TNNI3K: variants seen among roughly 807,000 people sequenced by gnomAD.
TNNI3K encodes serine/threonine-protein kinase TNNI3K.
Under a neutral mutation model 114.5 loss-of-function variants are expected in TNNI3K, and 140 were observed. The ratio of observed to expected loss-of-function variants is 1.22; its 90% CI spans 1.07 to 1.41. TNNI3K has a LOEUF of 1.41. Among genes scored for constraint, TNNI3K ranks in the 40% most tolerant of loss-of-function variants. TNNI3K has a pLI of 0.00. For missense variants in TNNI3K, 1,125 were observed against 1,007.6 expected (o/e 1.12, Z -1.58); for synonymous variants, 347 against 347.5 (o/e 1.00, Z 0.02).
At chr1:74,319,140 C>A (rs1174274711) in intron 5 of TNNI3K, among the ~76,000 whole-genome samples, 1 of 152,134 alleles carries the variant, frequency 6.6e-6, no homozygotes, top group Non-Finnish European at 1.5e-5. Context: ...GAGGCTGTAG[C>A]CATGTCAGTG....
intron 5 of TNNI3K, among the ~76,000 whole-genome samples, chr1:74,291,726 C>T (rs1657688387): frequency 6.6e-6 from 1 of 151,240 alleles, no homozygotes; most frequent in East Asian, 1.9e-4. Context: ...TTAAGAATCC[C>T]CCAAGACTCA....
chr1:74,271,034 C>T (rs903597476), intron 4 of TNNI3K, among the ~76,000 whole-genome samples: 1 of 151,220 alleles, frequency 6.6e-6, no homozygotes, highest in African/African-American at 2.4e-5. Flanking sequence ...TAAAACGAGT[C>T]AAGTTAAGAA....
At chr1:74,461,206 C>A (rs1195254341) in intron 20 of TNNI3K, among the ~76,000 whole-genome samples, 2 of 152,180 alleles carry the variant, frequency 1.3e-5, no homozygotes, top group Non-Finnish European at 2.9e-5. Context: ...AGTGGCCCAG[C>A]ATGGTGCCTC....
chr1:74,458,474 T>A (rs1667318470), intron 20 of TNNI3K, among the ~76,000 whole-genome samples: 1 of 152,196 alleles, frequency 6.6e-6, no homozygotes, highest in South Asian at 2.1e-4. Context: ...TCCTCCCATA[T>A]TTTTGAATGA....
chr1:74,478,552 G>A (rs1668321205), intron 21 of TNNI3K, among the ~76,000 whole-genome samples: 1 of 152,054 alleles, frequency 6.6e-6, no homozygotes, highest in Non-Finnish European at 1.5e-5. Flanking sequence ...CAAATTCAAT[G>A]AAATCCTCTA....
At chr1:74,480,909 T>C in intron 21 of TNNI3K, 1 of 717,324 alleles carries the variant, frequency 1.4e-6, no homozygotes. Context: ...AGGTTTGTGC[T>C]CTCAATAGAG....
At chr1:74,277,778 G>A (rs1026237406) in intron 5 of TNNI3K, among the ~76,000 whole-genome samples, 1 of 152,182 alleles carries the variant, frequency 6.6e-6, no homozygotes, top group African/African-American at 2.4e-5. Flanking sequence ...AGGTTGTGGA[G>A]TGGTTTTCTT....
intron 23 of TNNI3K, among the ~76,000 whole-genome samples, chr1:74,535,674 T>C (rs1646652299): frequency 6.6e-6 from 1 of 152,154 alleles, no homozygotes; most frequent in South Asian, 2.1e-4. Flanking sequence ...TTTTGGACAG[T>C]TCTAATCTTA....
At chr1:74,475,335 G>C (rs1161038812) in intron 21 of TNNI3K, 2 of 708,278 alleles carry the variant, frequency 2.8e-6, no homozygotes, top group East Asian at 5.4e-5. Context: ...TTTGAGGCTG[G>C]ACTTCTCCAG....
chr1:74,322,562 G>C (rs1182113054), intron 5 of TNNI3K, among the ~76,000 whole-genome samples: 1 of 150,736 alleles, frequency 6.6e-6, no homozygotes, highest in Admixed American at 6.6e-5. Context: ...CCAGGTTCAA[G>C]CAATTCTTCT....
chr1:74,374,239 A>G (rs1289458814), intron 17 of TNNI3K: 7 of 151,936 alleles, frequency 4.6e-5, no homozygotes, highest in Admixed American at 3.9e-4. Context: ...TACTAAGGAA[A>G]AGTTCAAGGA....
chr1:74,496,112 G>A (rs887990952), intron 23 of TNNI3K, among the ~76,000 whole-genome samples: 3 of 152,150 alleles, frequency 2.0e-5, no homozygotes, highest in African/African-American at 7.2e-5. Flanking sequence ...TGGCACCCAG[G>A]CATCAGAATG....
chr1:74,482,696 T>A (rs1668564864), intron 21 of TNNI3K, among the ~76,000 whole-genome samples: 1 of 152,206 alleles, frequency 6.6e-6, no homozygotes. Context: ...CACATTCTCC[T>A]CAAATTTGTT....
intron 23 of TNNI3K, among the ~76,000 whole-genome samples, chr1:74,528,429 C>T (rs903245502): frequency 6.6e-6 from 1 of 151,980 alleles, no homozygotes; most frequent in Non-Finnish European, 1.5e-5. Context: ...AGTGAGGAAG[C>T]CTTCTGCATG....
intron 23 of TNNI3K, among the ~76,000 whole-genome samples, chr1:74,527,498 G>A (rs985491451): frequency 2.6e-5 from 4 of 152,166 alleles, no homozygotes; most frequent in East Asian, 1.9e-4. Context: ...GAGCTAAAAA[G>A]CAGATGTGGG....
intron 17 of TNNI3K, among the ~76,000 whole-genome samples, chr1:74,423,235 C>G (rs1280199177): frequency 6.6e-6 from 1 of 151,466 alleles, no homozygotes; most frequent in Non-Finnish European, 1.5e-5. Context: ...TTTTGTCTCT[C>G]CATGTTCCAG....
At position 74,492,224 on chromosome 1, in the gene TNNI3K, A is replaced by T. The variant is rs765132869; in HGVS notation, c.2309A>T (p.Glu770Val). ...VAALRSRFEL[E>V]YALNARSYAA... is the part of the protein sequence containing the mutation. ...GCATTAAGAAGTCGTTTCGAATTGG[A>T]ATATGCTCTAAATGCAAGGTCCTAT... Residue 770 changes from glutamate (E) to valine (V), a missense_variant, in exon 23 of 25, where the codon GAA (glutamate) becomes GTA (valine). Glu to Val is a moderately radical substitution (Grantham distance 121). Transcript: ENST00000326637. The T allele has an allele frequency of 7.4e-6, 12 of 1,612,380 alleles. No homozygotes were observed. The Admixed American group carries it at 1.8e-4, about 25-fold the overall frequency.
chr1:74,427,560 A>T (rs1259697604), intron 17 of TNNI3K, among the ~76,000 whole-genome samples: 2 of 152,044 alleles, frequency 1.3e-5, no homozygotes, highest in African/African-American at 4.8e-5. Context: ...AGTCCTTATG[A>T]AGAAAAATTG....
In TNNI3K at chr1:74,353,223, C is replaced by T. The variant is rs187317685; in HGVS notation, c.933-43C>T. The T allele has an allele frequency of 1.4e-5, 23 of 1,597,346 alleles. 1 individual carries two copies. The African/African-American group carries it at 2.6e-4, about 18-fold the overall frequency. ...GGAGAGGGCACAATTTAGTTCATAA[C>T]AAGGACCTTCTATCTTTCTTGTTTT... is the stretch of plus-strand genomic sequence containing the variant. On this transcript the variant is annotated intron_variant, in intron 9 of 24. Transcript: ENST00000326637.
Sources: gnomAD v4.1 joint callset for allele counts (sites outside exome capture counted in the v4.1 genomes callset) on GRCh38, gnomAD v4.1.1 for gene constraint, MANE v1.5 for transcripts, NCBI Gene and HGNC (gene_info 2026-07-23, HGNC 2026-07-21) for gene names.